The following TRAK1 variants were observed in gnomAD, a reference collection of about 807,000 sequenced individuals.
The protein encoded by TRAK1 is trafficking kinesin protein 1.
Under a neutral mutation model 92.1 loss-of-function variants are expected in TRAK1, and 33 were observed. The observed-to-expected ratio is 0.36, with a 90% confidence interval of 0.27 to 0.48. TRAK1 has a LOEUF of 0.48. TRAK1 is among the 20% of genes least tolerant of loss of function. The pLI is 0.99. For synonymous variants in TRAK1, 521 were observed against 517.3 expected, an observed-to-expected ratio of 1.01 and a Z score of -0.10; for missense variants, 1,123 against 1,257.9, an observed-to-expected ratio of 0.89 and a Z score of 1.62.
chr3:42,016,011 A>G (rs1701509390), intron 1 of TRAK1, among the ~76,000 whole-genome samples: 1 of 152,150 alleles, frequency 6.6e-6, no homozygotes, highest in Admixed American at 6.5e-5. Context: ...CACTTCAGCC[A>G]GGGCGACAGA....
rs199565491 is a variant in TRAK1, at chr3:42,076,799, A to AT, written c.-518-10298dup. Among the ~76,000 whole-genome samples, 1,147 of 152,124 alleles carry AT rather than the reference A, an allele frequency of 7.5e-3. 15 individuals are homozygous for AT. The highest frequency in any genetic ancestry group is 0.026 in the African/African-American group (1,061 of 41,492). ...TTATTCTTTAGTCCATCTTGAGTTGATTTTTTTATGTGGCAGAAGGAAGGG... is the reference window on the plus strand; with the variant it reads ...TTATTCTTTAGTCCATCTTGAGTTGATTTTTTTTATGTGGCAGAAGGAAGGG... On this transcript the variant is annotated intron_variant, in intron 1 of 16. Transcript: ENST00000487159.
chr3:42,030,370 A>T (rs867988649), intron 1 of TRAK1, among the ~76,000 whole-genome samples: 3 of 72,814 alleles, frequency 4.1e-5, no homozygotes, highest in African/African-American at 1.2e-4. Flanking sequence ...TCTAAAAAAA[A>T]AAATATATAT....
intron 13 of TRAK1, chr3:42,203,700 C>T (rs1559382769): frequency 9.1e-6 from 9 of 985,106 alleles, no homozygotes; most frequent in African/African-American, 1.7e-5. Flanking sequence ...TAAGGCAGAA[C>T]TTTCCCAACT....
At chr3:42,196,447 T>C (rs1378318074) in intron 10 of TRAK1, among the ~76,000 whole-genome samples, 1 of 152,126 alleles carries the variant, frequency 6.6e-6, no homozygotes, top group Non-Finnish European at 1.5e-5. Flanking sequence ...TGTATGAAGG[T>C]CACCAGGTCA....
chr3:42,037,556 T>A (rs981814186), intron 1 of TRAK1, among the ~76,000 whole-genome samples: 27 of 152,236 alleles, frequency 1.8e-4, no homozygotes, highest in African/African-American at 5.8e-4. Context: ...TTAATGCAAT[T>A]TCACAAACAA....
chr3:42,210,365 C>T, intron 14 of TRAK1: 1 of 1,326,734 alleles, frequency 7.5e-7, no homozygotes, highest in South Asian at 2.7e-5. Flanking sequence ...GGTGCATGGC[C>T]CATCAGGGAT....
chr3:42,078,434 A>G (rs1047008196), intron 1 of TRAK1, among the ~76,000 whole-genome samples: 1 of 152,088 alleles, frequency 6.6e-6, no homozygotes, highest in Non-Finnish European at 1.5e-5. Flanking sequence ...AAAAACAGAA[A>G]AGGAAGGCAG....
At chr3:42,185,725 G>A (rs1012952986) in intron 4 of TRAK1, among the ~76,000 whole-genome samples, 16 of 141,976 alleles carry the variant, frequency 1.1e-4, no homozygotes, top group Middle Eastern at 3.8e-3. Flanking sequence ...AGGCTGGAGT[G>A]CAGTGGTGCG....
intron 1 of TRAK1, among the ~76,000 whole-genome samples, chr3:42,124,290 A>G (rs1225740242): frequency 1.3e-5 from 2 of 152,218 alleles, no homozygotes; most frequent in East Asian, 1.9e-4. Flanking sequence ...TTATGGGTTG[A>G]CAAAACCACT....
At chr3:42,160,395 T>A (rs1308533284) in intron 2 of TRAK1, 1 of 1,614,144 alleles carries the variant, frequency 6.2e-7, no homozygotes, top group Admixed American at 1.7e-5. Context: ...GGAAGAAGAA[T>A]GTTTTGAATA....
upstream of TRAK1, among the ~76,000 whole-genome samples, chr3:42,083,025 A>G (rs1482058392): frequency 6.6e-6 from 1 of 152,192 alleles, no homozygotes; most frequent in Non-Finnish European, 1.5e-5. Flanking sequence ...TCACTGTGCC[A>G]TACATCTTTG....
intron 14 of TRAK1, chr3:42,210,382 A>G (rs1465885544): frequency 3.1e-6 from 4 of 1,309,230 alleles, no homozygotes; most frequent in African/African-American, 1.5e-5. Context: ...GGATCTTTAA[A>G]GTGGGAGCAG....
chr3:42,079,045 C>A (rs1704300522), intron 1 of TRAK1, among the ~76,000 whole-genome samples: 2 of 152,178 alleles, frequency 1.3e-5, no homozygotes. Flanking sequence ...GATATCAGTT[C>A]TTTCCCAGAG....
intron 11 of TRAK1, among the ~76,000 whole-genome samples, chr3:42,200,230 G>A (rs1312745483): frequency 1.3e-5 from 2 of 152,204 alleles, no homozygotes; most frequent in African/African-American, 4.8e-5. Flanking sequence ...GTAAAAACAT[G>A]CCTACCCTTT....
At chr3:42,059,663 C>T (rs1013634402) in intron 1 of TRAK1, among the ~76,000 whole-genome samples, 1 of 152,036 alleles carries the variant, frequency 6.6e-6, no homozygotes, top group Admixed American at 6.6e-5. Context: ...ACTCAGAAAG[C>T]TTTTTATTTT....
intron 2 of TRAK1, among the ~76,000 whole-genome samples, chr3:42,161,396 G>T (rs1332806857): frequency 6.6e-6 from 1 of 151,518 alleles, no homozygotes; most frequent in Non-Finnish European, 1.5e-5. Flanking sequence ...CTTTTTTTTG[G>T]GACGGGGTCT....
chr3:42,197,455 T>C (rs982950378), intron 10 of TRAK1, among the ~76,000 whole-genome samples: 5 of 152,276 alleles, frequency 3.3e-5, no homozygotes, highest in East Asian at 1.9e-4. Flanking sequence ...TTGTTTTTTT[T>C]CCCCCCAAAT....
Position 42,200,822 on chromosome 3 carries a change from C to A in TRAK1, c.1195C>A (p.Gln399Lys). The change falls in exon 12 of 16, where the codon CAG becomes AAG. Residue 399 changes from glutamine (Q) to lysine (K), a missense_variant. By Grantham distance (53) the Gln-to-Lys change is moderately conservative. Around this residue, in one of 3 missense-constraint regions of TRAK1, gnomAD observed 686 missense variants for 747.6 expected, o/e 0.92. Transcript: ENST00000327628. ...EEAESPDITH[Q>K]KRVFETVRNI... Reference sequence around the variant, plus strand: ...GATGCCGTGCATTCTCCCTAGTCACCAGAAGCGTGTCTTTGAGACAGTAAG... The same window carrying A: ...GATGCCGTGCATTCTCCCTAGTCACAAGAAGCGTGTCTTTGAGACAGTAAG... 1 of 1,614,136 alleles carries A rather than the reference C, an allele frequency of 6.2e-7. No individual in the cohort carries two copies. Among genetic ancestry groups the A allele is most frequent in the Non-Finnish European group, 8.5e-7 (1 of 1,180,028 alleles).
chr3:42,069,611 A>G (rs1308403428), intron 1 of TRAK1, among the ~76,000 whole-genome samples: 1 of 152,124 alleles, frequency 6.6e-6, no homozygotes, highest in African/African-American at 2.4e-5. Context: ...CAATTTTCCC[A>G]CTTAATCTAT....
Sources: gnomAD v4.1 joint callset for allele counts (sites outside exome capture counted in the v4.1 genomes callset) on GRCh38, gnomAD v4.1.1 for gene constraint, gnomAD v4.1.1 regional missense constraint, MANE v1.5 for transcripts, NCBI Gene and HGNC (gene_info 2026-07-23, HGNC 2026-07-21) for gene names.